The following RAPH1 variants were observed in gnomAD, a reference collection of about 807,000 sequenced individuals.
RAPH1 encodes the protein Ras association (RalGDS/AF-6) and pleckstrin homology domains 1.
Under a neutral mutation model 88.1 loss-of-function variants are expected in RAPH1, and 18 were observed. That is an observed-to-expected ratio of 0.20 (90% CI 0.14 to 0.30). RAPH1 has a LOEUF of 0.30. Among genes scored for constraint, RAPH1 ranks in the 10% least tolerant of loss-of-function variants. RAPH1 has a pLI of 1.00. For synonymous variants in RAPH1, 587 were observed against 559.0 expected (o/e 1.05, Z -0.71); for missense variants, 1,448 against 1,543.2 (o/e 0.94, Z 1.03).
chr2:203,533,169 C>A (rs551324514), intron 1 of RAPH1, among the ~76,000 whole-genome samples: 1 of 152,084 alleles, frequency 6.6e-6, no homozygotes, highest in Non-Finnish European at 1.5e-5. Flanking sequence ...CTCCTTTCAC[C>A]CAGTCACATA....
rs1259866751 is a variant in RAPH1 at position 203,535,204 on chromosome 2, C to G, written c.-94G>C. 1 of 152,430 alleles carries G rather than the reference C, an allele frequency of 6.6e-6. No individual in the cohort carries two copies. The highest frequency in any genetic ancestry group is 1.5e-5 in the Non-Finnish European group (1 of 68,256). 9.4% of individuals were successfully genotyped at this position (152,430 alleles called of 1,614,324 possible). A position where few individuals can be genotyped will look rare whatever the true frequency, so the allele number is the denominator to read the frequency against. On this transcript the variant is annotated 5_prime_UTR_variant, in exon 1 of 14. Transcript: ENST00000319170. ...GCCTCCGCCTCCTCCCCAGGCGCGG[C>G]GCTCCCTCGCCAGAGACGCAGCGAC...
At chr2:203,453,895 C>T (rs2098516935) in intron 10 of RAPH1, among the ~76,000 whole-genome samples, 1 of 151,096 alleles carries the variant, frequency 6.6e-6, no homozygotes, top group Non-Finnish European at 1.5e-5. Flanking sequence ...GCAAGAAGTA[C>T]AAAAGCTTGA....
intron 4 of RAPH1, among the ~76,000 whole-genome samples, chr2:203,463,257 C>G (rs1198684929): frequency 1.3e-5 from 2 of 151,678 alleles, no homozygotes; most frequent in Admixed American, 1.3e-4. Context: ...TTCCTTAAGT[C>G]TAAGAAGAAA....
At position 203,448,392 on chromosome 2, in the gene RAPH1, AAATGATCATTACTT is replaced by A. The variant is rs2098511894; in HGVS notation, c.1513-327_1513-314del. Among the ~76,000 whole-genome samples, 1 of 152,206 alleles carries A rather than the reference AAATGATCATTACTT, an allele frequency of 6.6e-6. No individual in the cohort carries two copies. Among genetic ancestry groups the A allele is most frequent in the Admixed American group, 6.5e-5 (1 of 15,276 alleles). ...GGATACTGCTCCAAATGTGGTTGGT[AAATGATCATTACTT>A]AAAGTAATTTAATTTTTCCAAAACT... is the stretch of plus-strand genomic sequence containing the variant. On this transcript the variant is annotated intron_variant, in intron 11 of 13. Transcript: ENST00000319170. The surrounding 1 kb of genome is among the most constrained non-coding windows in gnomAD (Gnocchi z 4.1).
chr2:203,472,917 A>G (rs767856451), intron 4 of RAPH1, among the ~76,000 whole-genome samples: 4 of 152,274 alleles, frequency 2.6e-5, no homozygotes, highest in African/African-American at 4.8e-5. Context: ...ACACAGAAAT[A>G]GAAGTCCATT....
intron 4 of RAPH1, among the ~76,000 whole-genome samples, chr2:203,473,691 T>C (rs1343282263): frequency 6.6e-6 from 1 of 152,132 alleles, no homozygotes; most frequent in African/African-American, 2.4e-5. Flanking sequence ...AAAATTATGG[T>C]TTGGGCATGG....
rs2106031442 is a variant in RAPH1 at position 203,535,106 on chromosome 2, C to T, written c.-1+5G>A. The T allele has an allele frequency of 6.6e-6, 1 of 152,160 alleles. No individual in the cohort carries two copies. Among genetic ancestry groups the T allele is most frequent in the South Asian group, 2.1e-4 (1 of 4,826 alleles). 9.4% of individuals were successfully genotyped at this position (152,160 alleles called of 1,614,324 possible). A position where few individuals can be genotyped will look rare whatever the true frequency, so the allele number is the denominator to read the frequency against. ...CTGGCCCCGAGGGCGAGGCTAACCA[C>T]TCACCGCGGCAGTCGGTCGGCCTTC... On this transcript the variant is annotated splice_donor_5th_base_variant and intron_variant, in intron 1 of 13. Transcript: ENST00000319170.
intron 1 of RAPH1, among the ~76,000 whole-genome samples, chr2:203,512,084 G>T (rs1362715031): frequency 6.6e-6 from 1 of 152,020 alleles, no homozygotes. Flanking sequence ...ATGCACTCCA[G>T]CCTGGTGACA....
At position 203,440,053 on chromosome 2, in the gene RAPH1, A is replaced by T; in HGVS notation, c.3137T>A (p.Val1046Glu). 6 of 1,613,680 alleles carry T rather than the reference A, an allele frequency of 3.7e-6. No individual in the cohort carries two copies. The highest frequency in any genetic ancestry group is 5.1e-6 in the Non-Finnish European group (6 of 1,180,010). The change falls in exon 14 of 14, where the codon GTG becomes GAG. Residue 1046 changes from valine to glutamate, a missense_variant. Physicochemically the swap from Val to Glu is moderately radical, Grantham distance 121. Around this residue, in one of 2 missense-constraint regions of RAPH1, gnomAD observed 935 missense variants for 890.1 expected, o/e 1.05. Transcript: ENST00000319170. ...NLPGVLQQGC[V>E]SAKAPVLSGR... Reference sequence around the variant, plus strand: ...ACTCAGAACAGGGGCTTTTGCTGACACACACCCTTGTTGGAGAACTCCAGG... The same window carrying T: ...ACTCAGAACAGGGGCTTTTGCTGACTCACACCCTTGTTGGAGAACTCCAGG...
At chr2:203,525,839 T>C (rs1423037202) in intron 1 of RAPH1, among the ~76,000 whole-genome samples, 1 of 152,170 alleles carries the variant, frequency 6.6e-6, no homozygotes, top group Admixed American at 6.5e-5. Context: ...AGCATGGTTA[T>C]GATTTAATTA....
rs760629213 is a variant in RAPH1, at chr2:203,437,320, G to A, written c.*2117C>T. 5 of 152,030 alleles carry A rather than the reference G, an allele frequency of 3.3e-5. No individual in the cohort carries two copies. The highest frequency in any genetic ancestry group is 4.8e-5 in the African/African-American group (2 of 41,390). 9.4% of individuals were successfully genotyped at this position (152,030 alleles called of 1,614,324 possible). A position where few individuals can be genotyped will look rare whatever the true frequency, so the allele number is the denominator to read the frequency against. Reference sequence around the variant, plus strand: ...ACCACAATAAAACTCAAAACCTCAGGGATGAATACTTTGATAACTGGATTC... The same window carrying A: ...ACCACAATAAAACTCAAAACCTCAGAGATGAATACTTTGATAACTGGATTC... On this transcript the variant is annotated 3_prime_UTR_variant, in exon 14 of 14. Coordinates refer to ENST00000319170, the MANE Select transcript of RAPH1 (RefSeq NM_213589.3).
intron 4 of RAPH1, among the ~76,000 whole-genome samples, chr2:203,468,895 G>T (rs2098530819): frequency 6.6e-6 from 1 of 152,178 alleles, no homozygotes; most frequent in Non-Finnish European, 1.5e-5. Flanking sequence ...AGCTTCATTA[G>T]AAATTGGAGA....
intron 9 of RAPH1, 117 bp downstream of exon 9, chr2:203,455,320 A>G: frequency 7.5e-6 from 7 of 933,310 alleles, no homozygotes; most frequent in South Asian, 3.9e-5. Flanking sequence ...GCAATATTCT[A>G]TGTCTTCCAC....
chr2:203,456,840 A>T (rs1367507489), intron 8 of RAPH1, among the ~76,000 whole-genome samples: 2 of 152,182 alleles, frequency 1.3e-5, no homozygotes, highest in East Asian at 3.8e-4. Context: ...GATTTTAAAA[A>T]TTATTTAATT....
chr2:203,499,490 G>A (rs1004408198), intron 1 of RAPH1, among the ~76,000 whole-genome samples: 3 of 152,156 alleles, frequency 2.0e-5, no homozygotes, highest in South Asian at 4.1e-4. Context: ...GGGAGGCCAA[G>A]GCGGATGGAT....
intron 4 of RAPH1, among the ~76,000 whole-genome samples, chr2:203,472,619 G>A (rs937541434): frequency 5.3e-5 from 8 of 151,986 alleles, no homozygotes; most frequent in South Asian, 4.1e-4. Flanking sequence ...AAAACTTACT[G>A]TATTTATCTT....
intron 12 of RAPH1, chr2:203,447,140 T>G (rs996397076): frequency 2.6e-5 from 4 of 151,382 alleles, no homozygotes; most frequent in African/African-American, 9.7e-5. Context: ...TGCAGCCCTA[T>G]AATTTGCCAT....
intron 1 of RAPH1, among the ~76,000 whole-genome samples, chr2:203,526,848 G>A (rs545592883): frequency 4.0e-5 from 6 of 150,144 alleles, no homozygotes; most frequent in African/African-American, 9.8e-5. Context: ...GCAATGGTGC[G>A]ATCTCAGCTC....
intron 1 of RAPH1, among the ~76,000 whole-genome samples, chr2:203,511,843 G>A (rs1444292302): frequency 6.6e-6 from 1 of 152,144 alleles, no homozygotes; most frequent in African/African-American, 2.4e-5. Flanking sequence ...CAGGCACGGT[G>A]GCTCATGCCT....
Sources: allele counts gnomAD v4.1 joint callset (sites outside exome capture counted in the v4.1 genomes callset), GRCh38; gene constraint gnomAD v4.1.1; regional missense constraint gnomAD v4.1.1; non-coding constraint Gnocchi (gnomAD v3.1); transcripts MANE v1.5; gene names NCBI Gene and HGNC (gene_info 2026-07-23, HGNC 2026-07-21).